KCNIP4: variants seen among roughly 807,000 people sequenced by gnomAD.
The protein encoded by KCNIP4 is potassium voltage-gated channel interacting protein 4.
In KCNIP4, 12 loss-of-function variants were observed where a neutral mutation model predicts 34.0. The observed-to-expected ratio is 0.35, with a 90% CI of 0.23 to 0.57. The LOEUF (loss-of-function observed/expected upper bound fraction) is 0.57. Among genes scored for constraint, KCNIP4 ranks in the 20% least tolerant of loss-of-function variants. KCNIP4 has a pLI of 0.83. For synonymous variants in KCNIP4, 124 were observed against 102.2 expected (o/e 1.21, Z -1.29); for missense variants, 238 against 311.7 (o/e 0.76, Z 1.78).
chr4:21,262,261 C>T (rs989322470), intron 1 of KCNIP4, among the ~76,000 whole-genome samples: 1 of 152,176 alleles, frequency 6.6e-6, no homozygotes, highest in Non-Finnish European at 1.5e-5. Flanking sequence ...CACCCCATAG[C>T]AGATGCTTTC....
At chr4:21,702,289 C>T (rs900103976) in intron 1 of KCNIP4, among the ~76,000 whole-genome samples, 1 of 152,070 alleles carries the variant, frequency 6.6e-6, no homozygotes, top group Non-Finnish European at 1.5e-5. Flanking sequence ...GTATCTTCCT[C>T]CTCTTATAAG....
At chr4:20,963,124 C>T (rs1432277301) in intron 1 of KCNIP4, among the ~76,000 whole-genome samples, 1 of 151,768 alleles carries the variant, frequency 6.6e-6, no homozygotes, top group East Asian at 1.9e-4. Flanking sequence ...GGTTCGAGAC[C>T]AGCCTGGCCA....
intron 1 of KCNIP4, among the ~76,000 whole-genome samples, chr4:21,606,089 A>G (rs1454670654): frequency 1.3e-5 from 2 of 152,156 alleles, no homozygotes; most frequent in Non-Finnish European, 2.9e-5. Context: ...AGTTGAACCC[A>G]TGCCTGGATA....
At chr4:21,584,183 A>T (rs1478573286) in intron 1 of KCNIP4, among the ~76,000 whole-genome samples, 1 of 151,972 alleles carries the variant, frequency 6.6e-6, no homozygotes, top group Admixed American at 6.6e-5. Flanking sequence ...TCTCCCATTA[A>T]CGCTTATACT....
rs562083546 is a variant in KCNIP4, at chr4:21,270,574, A to G, written c.62-387865T>C. On this transcript the variant is annotated intron_variant, in intron 1 of 8. Transcript: ENST00000382152. ...GCACATGATAATTATGTATGAAGAAATACAAAGCCACCAAAATATAATCTG... is the reference window on the plus strand; with the variant it reads ...GCACATGATAATTATGTATGAAGAAGTACAAAGCCACCAAAATATAATCTG... Among the ~76,000 whole-genome samples, 493 of 152,378 alleles carry G rather than the reference A, an allele frequency of 3.2e-3. 5 individuals are homozygous for G. Among genetic ancestry groups the G allele is most frequent in the African/African-American group, 0.011 (461 of 41,592 alleles).
intron 3 of KCNIP4, 34 bp from the exon 4 acceptor site, chr4:20,758,924 A>G: frequency 6.3e-7 from 1 of 1,575,788 alleles, no homozygotes; most frequent in Non-Finnish European, 8.7e-7. Context: ...ATATGAGCAA[A>G]GTGTTCATAA....
intron 1 of KCNIP4, among the ~76,000 whole-genome samples, chr4:21,659,519 C>G (rs1317360714): frequency 3.3e-5 from 5 of 152,042 alleles, no homozygotes; most frequent in Middle Eastern, 3.2e-3. Context: ...TTCATTTCTC[C>G]TCAGCATTAA....
At chr4:21,101,931 G>A (rs2109071048) in intron 1 of KCNIP4, among the ~76,000 whole-genome samples, 1 of 152,162 alleles carries the variant, frequency 6.6e-6, no homozygotes, top group Admixed American at 6.6e-5. Context: ...ATGTTTCATG[G>A]GAGAAAATGT....
chr4:21,300,365 C>A (rs1446701440), intron 1 of KCNIP4, among the ~76,000 whole-genome samples: 1 of 152,078 alleles, frequency 6.6e-6, no homozygotes, highest in Non-Finnish European at 1.5e-5. Flanking sequence ...CTAAACTCCC[C>A]ACTAAGTAGA....
chr4:21,549,570 T>C (rs1027315547), intron 1 of KCNIP4, among the ~76,000 whole-genome samples: 3 of 151,998 alleles, frequency 2.0e-5, no homozygotes. Flanking sequence ...GCTGGTACCA[T>C]GTCTCCCATA....
At chr4:20,815,453 G>A (rs1281809289) in intron 3 of KCNIP4, among the ~76,000 whole-genome samples, 1 of 152,056 alleles carries the variant, frequency 6.6e-6, no homozygotes, top group African/African-American at 2.4e-5. Context: ...CTGACATCAG[G>A]AAGGTAAACT....
At chr4:21,483,085 G>A (rs1230232877) in intron 1 of KCNIP4, among the ~76,000 whole-genome samples, 1 of 131,052 alleles carries the variant, frequency 7.6e-6, no homozygotes, top group Non-Finnish European at 1.6e-5. Context: ...TTGTGGGGTG[G>A]GGGAGGGGGG....
At chr4:21,491,917 T>A (rs996617269) in intron 1 of KCNIP4, among the ~76,000 whole-genome samples, 1 of 152,158 alleles carries the variant, frequency 6.6e-6, no homozygotes, top group Non-Finnish European at 1.5e-5. Flanking sequence ...ATGAAAAGAA[T>A]AAAGCTGATG....
At chr4:21,907,779 G>A (rs1366485712) in intron 1 of KCNIP4, among the ~76,000 whole-genome samples, 2 of 152,112 alleles carry the variant, frequency 1.3e-5, no homozygotes, top group Admixed American at 6.6e-5. Flanking sequence ...AGTAAAGCTT[G>A]CCTTAGTACA....
chr4:21,693,625 T>G (rs1392530639), intron 1 of KCNIP4, among the ~76,000 whole-genome samples: 2 of 152,182 alleles, frequency 1.3e-5, no homozygotes, highest in Non-Finnish European at 2.9e-5. Flanking sequence ...TGACCCACAA[T>G]AACTTCAGTG....
At chr4:21,686,748 G>T (rs1207716100) in intron 1 of KCNIP4, among the ~76,000 whole-genome samples, 3 of 152,122 alleles carry the variant, frequency 2.0e-5, no homozygotes, top group Non-Finnish European at 4.4e-5. Context: ...ACACAGATTA[G>T]AATGAGCAGC....
intron 1 of KCNIP4, among the ~76,000 whole-genome samples, chr4:21,519,980 C>T (rs1458488070): frequency 6.6e-6 from 1 of 151,420 alleles, no homozygotes; most frequent in East Asian, 1.9e-4. Flanking sequence ...CAAGGAAAGC[C>T]AGCCCAAGTC....
At chr4:21,023,591 T>C (rs2149751988) in intron 1 of KCNIP4, among the ~76,000 whole-genome samples, 1 of 152,136 alleles carries the variant, frequency 6.6e-6, no homozygotes, top group Non-Finnish European at 1.5e-5. Context: ...ATTTAAACCA[T>C]TAGGAAAATG....
intron 3 of KCNIP4, among the ~76,000 whole-genome samples, chr4:20,765,900 G>A (rs1367690110): frequency 6.6e-6 from 1 of 152,180 alleles, no homozygotes; most frequent in African/African-American, 2.4e-5. Flanking sequence ...GGGGACACAT[G>A]TGAGGGTCAA....
Sources: gnomAD v4.1 joint callset for allele counts (sites outside exome capture counted in the v4.1 genomes callset) on GRCh38, gnomAD v4.1.1 for gene constraint, MANE v1.5 for transcripts, NCBI Gene and HGNC (gene_info 2026-07-23, HGNC 2026-07-21) for gene names.